Variants in CREB5 observed in about 807,000 individuals in gnomAD.
CREB5 encodes cyclic AMP-responsive element-binding protein 5.
Under a neutral mutation model 57.1 loss-of-function variants are expected in CREB5, and 19 were observed. The ratio of observed to expected loss-of-function variants is 0.33; its 90% CI spans 0.23 to 0.49. The LOEUF (loss-of-function observed/expected upper bound fraction) is 0.49, where lower values mean the gene tolerates loss of function less well. CREB5 is among the 20% of genes least tolerant of loss of function. The pLI, the probability that CREB5 is intolerant of heterozygous loss-of-function variation, is 0.99. For synonymous variants in CREB5, 238 were observed against 238.3 expected (o/e 1.00, Z 0.01); for missense variants, 579 against 671.6 (o/e 0.86, Z 1.52).
At chr7:28,478,523 G>T (rs775287590) in intron 1 of CREB5, among the ~76,000 whole-genome samples, 18 of 152,098 alleles carry the variant, frequency 1.2e-4, no homozygotes, top group Non-Finnish European at 2.2e-4. Flanking sequence ...GAGGGCTAAT[G>T]GTGCCAGCAA....
chr7:28,394,945 C>T (rs1204773145), intron 1 of CREB5, among the ~76,000 whole-genome samples: 1 of 152,164 alleles, frequency 6.6e-6, no homozygotes, highest in Non-Finnish European at 1.5e-5. Flanking sequence ...GGAGTGACTT[C>T]TATGTACTGG....
chr7:28,481,452 C>T (rs1210583345), intron 1 of CREB5, among the ~76,000 whole-genome samples: 2 of 152,164 alleles, frequency 1.3e-5, no homozygotes, highest in African/African-American at 4.8e-5. Context: ...CAGGAACACA[C>T]CCTCTTCACG....
At chr7:28,604,829 T>C (rs1797049766) in intron 5 of CREB5, among the ~76,000 whole-genome samples, 1 of 152,100 alleles carries the variant, frequency 6.6e-6, no homozygotes, top group Non-Finnish European at 1.5e-5. Flanking sequence ...CAAACATTAC[T>C]CTTAAATAAA....
intron 1 of CREB5, among the ~76,000 whole-genome samples, chr7:28,352,958 C>G (rs2191826): frequency 0.36 from 54,759 of 152,082 alleles, 9,998 homozygotes; most frequent in Non-Finnish European, 0.39. Context: ...CTATGGCAAA[C>G]ACATGCCTAC....
intron 4 of CREB5, among the ~76,000 whole-genome samples, chr7:28,514,299 T>A (rs1490553070): frequency 6.6e-6 from 1 of 152,222 alleles, no homozygotes; most frequent in Non-Finnish European, 1.5e-5. Context: ...GTGACAGTAA[T>A]TTCAGACGAA....
At chr7:28,410,796 C>T, upstream of CREB5, 1 of 351,254 alleles carries the variant, frequency 2.8e-6, no homozygotes, top group East Asian at 7.5e-5. Flanking sequence ...ACGGCTTGAG[C>T]TCCTCAAGGG....
chr7:28,551,875 T>TTTCTTTCTG (rs1794664146), intron 4 of CREB5, among the ~76,000 whole-genome samples: 1 of 90,970 alleles, frequency 1.1e-5, no homozygotes, highest in Admixed American at 1.0e-4. Flanking sequence ...TTTCTTTTTC[T>TTTCTTTCTG]TTCTTTCTTT....
chr7:28,536,365 G>A (rs543508209), intron 4 of CREB5, among the ~76,000 whole-genome samples: 1 of 152,286 alleles, frequency 6.6e-6, no homozygotes, highest in South Asian at 2.1e-4. Flanking sequence ...ATGAGGTAAG[G>A]CGCATCTCCT....
At chr7:28,606,903 G>C (rs748901745) in intron 5 of CREB5, among the ~76,000 whole-genome samples, 4 of 152,098 alleles carry the variant, frequency 2.6e-5, no homozygotes, top group African/African-American at 9.7e-5. Flanking sequence ...TGTAGTGATC[G>C]GAGAGGGGAA....
chr7:28,540,355 T>C lies in CREB5; in HGVS notation c.292-30010T>C, dbSNP rs73079822. 9.2e-3 allele frequency among the ~76,000 whole-genome samples: 1,405 copies of C among 152,330 alleles called. 10 individuals carry two copies. Among genetic ancestry groups the C allele is most frequent in the Middle Eastern group, 0.02 (6 of 294 alleles). ...TGTTAATAGTGTGGGTGAATGAGTTTATTAGATTGGCTCCTAAGAACAAGT... is the reference window on the plus strand; with the variant it reads ...TGTTAATAGTGTGGGTGAATGAGTTCATTAGATTGGCTCCTAAGAACAAGT... On this transcript the variant is annotated intron_variant, in intron 4 of 10. Transcript: ENST00000357727.
At chr7:28,316,751 T>G (rs1269875067) in intron 1 of CREB5, among the ~76,000 whole-genome samples, 1 of 152,162 alleles carries the variant, frequency 6.6e-6, no homozygotes, top group Non-Finnish European at 1.5e-5. Context: ...ACAGCATGAT[T>G]GAGTCAACAG....
In CREB5 at chr7:28,472,558, A is replaced by G. The variant is rs564136276; in HGVS notation, c.4-15617A>G. Among the ~76,000 whole-genome samples, 4 of 152,286 alleles carry G rather than the reference A, an allele frequency of 2.6e-5. No homozygotes were observed. The South Asian group carries it at 8.3e-4, about 32-fold the overall frequency. On this transcript the variant is annotated intron_variant, in intron 1 of 10. Coordinates refer to ENST00000357727, the MANE Select transcript of CREB5 (RefSeq NM_182898.4). ...CTTTCTACCCCTCACCGCTAGGACA[A>G]CATTCTTACTTTGCGGGGAAGTCTA...
chr7:28,775,622 C>A (rs2299116), intron 7 of CREB5, among the ~76,000 whole-genome samples: 40,155 of 145,702 alleles, frequency 0.28, 6,014 homozygotes, highest in Non-Finnish European at 0.34. Context: ...TATTCTTCTG[C>A]AACTTGAGTG....
rs1360001027 is a variant in CREB5, at chr7:28,498,226, T to A, written c.169+3227T>A. 1.3e-5 allele frequency among the ~76,000 whole-genome samples: 2 copies of A among 152,156 alleles called. 1 individual carries two copies. The highest frequency in any genetic ancestry group is 4.8e-5 in the African/African-American group (2 of 41,440). ...ATGACTTGTAATATAGTAGCAACAATAATAAAAATAATGTAAATCAAAATA... is the reference window on the plus strand; with the variant it reads ...ATGACTTGTAATATAGTAGCAACAAAAATAAAAATAATGTAAATCAAAATA... On this transcript the variant is annotated intron_variant, in intron 3 of 10. Coordinates refer to ENST00000357727, the MANE Select transcript of CREB5 (RefSeq NM_182898.4).
chr7:28,597,880 C>A (rs1376816715), intron 5 of CREB5, among the ~76,000 whole-genome samples: 1 of 152,024 alleles, frequency 6.6e-6, no homozygotes, highest in Non-Finnish European at 1.5e-5. Flanking sequence ...GGAAAAGAGA[C>A]AATACATGGT....
In CREB5 at chr7:28,819,434, TTA is replaced by T. The variant is rs556626614; in HGVS notation, c.*158_*159del. 1.6e-3 allele frequency: 1,128 copies of T among 685,984 alleles called. 1 individual carries two copies. The highest frequency in any genetic ancestry group is 3.3e-3 in the Admixed American group (93 of 28,404). The allele number at this position is 685,984 out of a possible 1,614,324, so 42.5% of individuals were successfully genotyped here. On this transcript the variant is annotated 3_prime_UTR_variant, in exon 11 of 11. Coordinates refer to ENST00000357727, the MANE Select transcript of CREB5 (RefSeq NM_182898.4). ...ATAGTTATTATGGAAATGTTGTCTT[TTA>T]TACTTAGTTATATAAGAAAAAAGGG...
intron 10 of CREB5, 97 bp from the exon 11 acceptor site, chr7:28,819,019 C>T: frequency 6.9e-6 from 9 of 1,306,932 alleles, no homozygotes; most frequent in Non-Finnish European, 9.5e-6. Flanking sequence ...AAGTAAATAT[C>T]TAGTACAGTT....
At chr7:28,574,285 G>A (rs1478629624) in intron 5 of CREB5, among the ~76,000 whole-genome samples, 5 of 152,146 alleles carry the variant, frequency 3.3e-5, no homozygotes. Context: ...AATCCAAACA[G>A]TATCTCTCCT....
intron 7 of CREB5, among the ~76,000 whole-genome samples, chr7:28,747,018 A>G (rs188604156): frequency 3.4e-4 from 51 of 152,194 alleles, no homozygotes; most frequent in Admixed American, 2.9e-3. Flanking sequence ...TATTTCAAAT[A>G]TGGCTTTTCA....
Sources: gnomAD v4.1 joint callset for allele counts (sites outside exome capture counted in the v4.1 genomes callset) on GRCh38, gnomAD v4.1.1 for gene constraint, MANE v1.5 for transcripts, NCBI Gene and HGNC (gene_info 2026-07-23, HGNC 2026-07-21) for gene names.